The following ANHX variants were observed in gnomAD, a reference collection of about 807,000 sequenced individuals.
ANHX encodes the protein anomalous homeobox.
ANHX carries 20 observed loss-of-function variants against 38.9 expected under a neutral mutation model. That is an observed-to-expected ratio of 0.51 (90% CI 0.36 to 0.75). ANHX has a LOEUF of 0.75. Among genes scored for constraint, ANHX ranks in the 30% least tolerant of loss-of-function variants. The probability of loss-of-function intolerance (pLI) is 0.00; values close to 1 mark genes in which losing one functional copy is unlikely to be tolerated. For synonymous variants in ANHX, 185 were observed against 203.1 expected (o/e 0.91, Z 0.76); for missense variants, 475 against 493.1 (o/e 0.96, Z 0.35).
At chr12:133,232,975 G>T (rs1209664978) in intron 2 of ANHX, among the ~76,000 whole-genome samples, 5 of 152,070 alleles carry the variant, frequency 3.3e-5, no homozygotes, top group African/African-American at 1.2e-4. Context: ...GTAACGGGGG[G>T]GCAATACTGG....
In ANHX at chr12:133,231,685, CCTGGAGCACTGTTG is replaced by C. The variant is rs935604657; in HGVS notation, c.250-55_250-42del. The C allele has an allele frequency of 2.9e-5, 45 of 1,534,702 alleles. No homozygotes were observed. In the African/African-American group the frequency reaches 5.7e-4, roughly 20 times the overall value. On this transcript the variant is annotated intron_variant, in intron 2 of 9. Coordinates refer to ENST00000545940, the MANE Select transcript of ANHX (RefSeq NM_001372060.1). ...TACTGAGCCCTGGCCACCTGCCCAC[CCTGGAGCACTGTTG>C]GGACCTGCATCTGCCATCCCAAACC...
intron 5 of ANHX, 108 bp downstream of exon 5, chr12:133,226,828 C>A (rs1475150389): frequency 1.4e-5 from 15 of 1,091,968 alleles, no homozygotes; most frequent in Non-Finnish European, 1.9e-5. Context: ...CTGGAACCTA[C>A]TGATTGGAGG....
At chr12:133,224,213 C>A (rs983520953) in intron 7 of ANHX, among the ~76,000 whole-genome samples, 1 of 151,840 alleles carries the variant, frequency 6.6e-6, no homozygotes, top group African/African-American at 2.4e-5. Flanking sequence ...GGGCCCCCAA[C>A]AGTGAGTTTT....
intron 7 of ANHX, among the ~76,000 whole-genome samples, chr12:133,223,874 A>T (rs550942068): frequency 1.3e-4 from 20 of 152,300 alleles, no homozygotes; most frequent in Middle Eastern, 6.8e-3. Flanking sequence ...GAAAAAAAGA[A>T]TCTAAGAGCT....
chr12:133,233,082 C>G (rs1305038869), intron 2 of ANHX, among the ~76,000 whole-genome samples: 1 of 152,180 alleles, frequency 6.6e-6, no homozygotes, highest in African/African-American at 2.4e-5. Context: ...GCGCCAGCCT[C>G]TAACAGAGGA....
At chr12:133,219,116 C>A in intron 9 of ANHX, 145 bp from the exon 10 acceptor site, 1 of 1,008,460 alleles carries the variant, frequency 9.9e-7, no homozygotes, top group Non-Finnish European at 1.5e-6. Flanking sequence ...GCATCCCTCA[C>A]CCCAGCTCCC....
chr12:133,230,655 T>G (rs1235876281), intron 3 of ANHX, among the ~76,000 whole-genome samples: 2 of 152,080 alleles, frequency 1.3e-5, no homozygotes, highest in East Asian at 1.9e-4. Context: ...CACAGCTACC[T>G]GGGGGGCTGA....
chr12:133,225,207 T>C (rs908289691), intron 7 of ANHX, among the ~76,000 whole-genome samples: 9 of 152,050 alleles, frequency 5.9e-5, no homozygotes, highest in African/African-American at 2.2e-4. Context: ...GAGCTCAGCC[T>C]TCTCTGCTGC....
intron 2 of ANHX, 71 bp from the exon 3 acceptor site, chr12:133,231,715 A>G (rs1246521337): frequency 6.6e-7 from 1 of 1,510,748 alleles, no homozygotes; most frequent in Non-Finnish European, 8.9e-7. Flanking sequence ...TGCATCTGCC[A>G]TCCCAAACCG....
At chr12:133,228,621 C>A (rs138554711) in intron 3 of ANHX, among the ~76,000 whole-genome samples, 1 of 152,200 alleles carries the variant, frequency 6.6e-6, no homozygotes, top group Non-Finnish European at 1.5e-5. Flanking sequence ...GAAGCACCAC[C>A]TGTGCCCCCA....
chr12:133,227,226 A>T, intron 4 of ANHX, 74 bp from the exon 5 acceptor site: 1 of 1,443,734 alleles, frequency 6.9e-7, no homozygotes, highest in Non-Finnish European at 9.2e-7. Flanking sequence ...AGTGGCTCAG[A>T]CAGCTCATTT....
At chr12:133,228,084 G>T in intron 3 of ANHX, 137 bp from the exon 4 acceptor site, 1 of 1,037,074 alleles carries the variant, frequency 9.6e-7, no homozygotes, top group Non-Finnish European at 1.4e-6. Context: ...TCTGCCTCCA[G>T]TTAGTGAAAA....
chr12:133,232,973 G>C (rs1957306149), intron 2 of ANHX, among the ~76,000 whole-genome samples: 1 of 152,124 alleles, frequency 6.6e-6, no homozygotes, highest in Admixed American at 6.6e-5. Flanking sequence ...GGGTAACGGG[G>C]GGGCAATACT....
At chr12:133,224,972 A>C (rs1036008632) in intron 7 of ANHX, among the ~76,000 whole-genome samples, 19 of 151,204 alleles carry the variant, frequency 1.3e-4, no homozygotes, top group Non-Finnish European at 2.2e-4. Flanking sequence ...CAAAAAAAAA[A>C]AAAAACAAAA....
intron 7 of ANHX, among the ~76,000 whole-genome samples, chr12:133,222,777 T>TA: frequency 6.6e-6 from 1 of 152,254 alleles, no homozygotes; most frequent in South Asian, 2.1e-4. Flanking sequence ...GAAGCACATT[T>TA]AAAAAAATTA....
chr12:133,227,420 G>T (rs550762878), intron 4 of ANHX, among the ~76,000 whole-genome samples: 8 of 152,310 alleles, frequency 5.3e-5, no homozygotes, highest in Non-Finnish European at 1.5e-5. Flanking sequence ...CCCTTGCTAG[G>T]TCCACCCAGA....
rs1416856726 is a variant in ANHX at position 133,226,364 on chromosome 12, G to A, written c.793C>T (p.Pro265Ser). The part of the protein sequence containing the change: ...QGPWEPLALA[P>S]DFPADETVSK... ...ACTGTCTCATCTGCGGGAAAGTCCG[G>A]GGCTAAGGCCAGTGGCTCCCATGGT... Residue 265 changes from proline to serine, a missense_variant, in exon 6 of 10, where the codon CCG becomes TCG. Pro to Ser is a moderately conservative substitution (Grantham distance 74). Coordinates refer to ENST00000545940, the MANE Select transcript of ANHX (RefSeq NM_001372060.1). 1 of 1,536,130 alleles carries A rather than the reference G, an allele frequency of 6.5e-7. No homozygotes were observed. The highest frequency in any genetic ancestry group is 8.7e-7 in the Non-Finnish European group (1 of 1,146,918).
chr12:133,227,555 G>A lies in ANHX; in HGVS notation c.501+269C>T, dbSNP rs556593674. On this transcript the variant is annotated intron_variant, in intron 4 of 9. Coordinates refer to ENST00000545940, the MANE Select transcript of ANHX (RefSeq NM_001372060.1). ...CAGCTGGCAGATGCCTCGACCCATC[G>A]TCCTGGTGCCTGGCACACAGTGGGT... 8.6e-4 allele frequency among the ~76,000 whole-genome samples: 131 copies of A among 152,360 alleles called. 2 individuals carry two copies. The highest frequency in any genetic ancestry group is 2.8e-3 in the African/African-American group (117 of 41,586).
At position 133,226,850 on chromosome 12, in the gene ANHX, T is replaced by G. The variant is rs1957196115; in HGVS notation, c.718+86A>C. On this transcript the variant is annotated intron_variant, in intron 5 of 9. Coordinates refer to ENST00000545940, the MANE Select transcript of ANHX (RefSeq NM_001372060.1). The stretch of plus-strand genomic sequence containing the variant: ...CTACTGATTGGAGGAGGGCTACCCC[T>G]GTAAGCAGTGTGACTACCTAGGCCT... 5.5e-6 allele frequency: 7 copies of G among 1,276,120 alleles called. No homozygotes were observed. The South Asian group carries it at 7.8e-5, about 14-fold the overall frequency. 79.0% of individuals were successfully genotyped at this position (1,276,120 alleles called of 1,614,324 possible). A position where few individuals can be genotyped will look rare whatever the true frequency, so the allele number is the denominator to read the frequency against.
Sources: gnomAD v4.1 joint callset for allele counts (sites outside exome capture counted in the v4.1 genomes callset) on GRCh38, gnomAD v4.1.1 for gene constraint, MANE v1.5 for transcripts, NCBI Gene and HGNC (gene_info 2026-07-23, HGNC 2026-07-21) for gene names.